Variants in RPL35A observed in about 807,000 individuals in gnomAD.
RPL35A encodes large ribosomal subunit protein eL33.
RPL35A carries 1 observed loss-of-function variant against 16.7 expected under a neutral mutation model. The observed-to-expected ratio is 0.06, with a 90% CI of 0.02 to 0.28. RPL35A has a LOEUF of 0.28. Among genes scored for constraint, RPL35A ranks in the 10% least tolerant of loss-of-function variants. The probability of loss-of-function intolerance (pLI) is 1.00; values close to 1 mark genes in which losing one functional copy is unlikely to be tolerated. For missense variants in RPL35A, 91 were observed against 138.7 expected (o/e 0.66, Z 1.73); for synonymous variants, 58 against 47.0 (o/e 1.23, Z -0.96).
At chr3:197,954,337 T>G (rs1169286256) in intron 4 of RPL35A, 190 bp downstream of exon 4, 1 of 579,982 alleles carries the variant, frequency 1.7e-6, no homozygotes, top group East Asian at 3.2e-5. Context: ...TTGTTTTTTG[T>G]TTTTTTTTTG....
intron 3 of RPL35A, 117 bp from the exon 4 acceptor site, chr3:197,953,886 G>A: frequency 1.1e-6 from 1 of 940,770 alleles, no homozygotes; most frequent in South Asian, 1.4e-5. Flanking sequence ...GGCATTTAAA[G>A]TTTCTCAGGT....
At chr3:197,955,510 C>T (rs1221283420) in intron 4 of RPL35A, among the ~76,000 whole-genome samples, 1 of 152,114 alleles carries the variant, frequency 6.6e-6, no homozygotes, top group Non-Finnish European at 1.5e-5. Context: ...GATCTGCCCG[C>T]CTAGGCCTCC....
intron 4 of RPL35A, 73 bp from the exon 5 acceptor site, chr3:197,955,677 C>T (rs941272280): frequency 3.9e-5 from 50 of 1,269,862 alleles, no homozygotes; most frequent in Admixed American, 1.8e-4. Flanking sequence ...GAGATTTATC[C>T]GTATTACGGT....
chr3:197,955,913 CAG>C lies in RPL35A; in HGVS notation c.*146_*147del. 1.4e-6 allele frequency: 1 copy of C among 729,760 alleles called. No individual in the cohort carries two copies. Among genetic ancestry groups the C allele is most frequent in the South Asian group, 1.5e-5 (1 of 68,100 alleles). 45.2% of individuals were successfully genotyped at this position (729,760 alleles called of 1,614,324 possible). A position where few individuals can be genotyped will look rare whatever the true frequency, so the allele number is the denominator to read the frequency against. On this transcript the variant is annotated 3_prime_UTR_variant, in exon 5 of 5. Coordinates refer to ENST00000647248, the MANE Select transcript of RPL35A (RefSeq NM_000996.4). Reference sequence around the variant, plus strand: ...CAGCATTTTTGGAGTACAAGGGGGTCAGAGAGACATGTGATGAAAATTACAGG... The same window carrying C: ...CAGCATTTTTGGAGTACAAGGGGGTCAGAGACATGTGATGAAAATTACAGG...
chr3:197,954,606 T>G (rs1720386204), intron 4 of RPL35A, among the ~76,000 whole-genome samples: 2 of 152,132 alleles, frequency 1.3e-5, no homozygotes, highest in African/African-American at 4.8e-5. Flanking sequence ...GCCTCCAAAG[T>G]TCATGTGATT....
At chr3:197,953,936 AGG>A in intron 3 of RPL35A, 65 bp from the exon 4 acceptor site, 6 of 1,555,340 alleles carry the variant, frequency 3.9e-6, no homozygotes, top group Non-Finnish European at 5.3e-6. Flanking sequence ...ACTCGTGTAG[AGG>A]TCACCTTGAA....
At chr3:197,953,020 C>T (rs1331909010) in intron 3 of RPL35A, among the ~76,000 whole-genome samples, 2 of 151,096 alleles carry the variant, frequency 1.3e-5, no homozygotes, top group Non-Finnish European at 3.0e-5. Context: ...AGGCTGGTCT[C>T]GAACTCCTGA....
chr3:197,951,409 A>T, intron 3 of RPL35A, 98 bp downstream of exon 3: 2 of 1,336,404 alleles, frequency 1.5e-6, no homozygotes, highest in Non-Finnish European at 2.1e-6. Flanking sequence ...GCTGGAATGC[A>T]GTGACTTGGT....
intron 4 of RPL35A, among the ~76,000 whole-genome samples, chr3:197,955,043 C>T (rs116853251): frequency 3.3e-5 from 5 of 152,212 alleles, no homozygotes; most frequent in East Asian, 1.9e-4. Context: ...TCTCAATTTT[C>T]TCCTGTAATT....
chr3:197,951,038 C>T (rs1292654197), intron 2 of RPL35A, 60 bp downstream of exon 2: 2 of 1,602,948 alleles, frequency 1.2e-6, no homozygotes, highest in African/African-American at 2.7e-5. Flanking sequence ...TAAATGCGAG[C>T]TTAAAATTGG....
intron 3 of RPL35A, 156 bp downstream of exon 3, chr3:197,951,467 C>T: frequency 1.3e-6 from 1 of 769,076 alleles, no homozygotes; most frequent in Non-Finnish European, 2.2e-6. Context: ...AGTGTCCTGT[C>T]TCAGCCTCCC....
chr3:197,952,836 C>CA (rs1720224526), intron 3 of RPL35A, among the ~76,000 whole-genome samples: 1 of 144,226 alleles, frequency 6.9e-6, no homozygotes, highest in Non-Finnish European at 1.5e-5. Context: ...ATGCTGTAGA[C>CA]TTTTTTTTTT....
intron 3 of RPL35A, 172 bp downstream of exon 3, chr3:197,951,483 G>A: frequency 1.4e-6 from 1 of 691,570 alleles, no homozygotes; most frequent in Non-Finnish European, 2.5e-6. Context: ...CTCCCGAGTA[G>A]CTGGGATTAC....
intron 4 of RPL35A, among the ~76,000 whole-genome samples, chr3:197,954,731 C>T (rs1159525845): frequency 5.3e-5 from 8 of 152,146 alleles, no homozygotes; most frequent in Non-Finnish European, 1.2e-4. Flanking sequence ...TGGTCTTGAA[C>T]TCCTGAGCCC....
chr3:197,953,278 A>G (rs1368095351), intron 3 of RPL35A, among the ~76,000 whole-genome samples: 1 of 152,182 alleles, frequency 6.6e-6, no homozygotes, highest in African/African-American at 2.4e-5. Flanking sequence ...TGAGAGCCCT[A>G]GGTGGGAGGA....
At chr3:197,953,541 C>T (rs986102686) in intron 3 of RPL35A, 9 of 457,178 alleles carry the variant, frequency 2.0e-5, no homozygotes, top group African/African-American at 1.4e-4. Flanking sequence ...GACACACACT[C>T]CTTGGCCCCA....
At chr3:197,955,400 C>T (rs1581109049) in intron 4 of RPL35A, among the ~76,000 whole-genome samples, 2 of 151,910 alleles carry the variant, frequency 1.3e-5, no homozygotes, top group African/African-American at 4.8e-5. Context: ...GTAGCTGGGA[C>T]TATAGGCACG....
chr3:197,951,289 G>A lies in RPL35A; in HGVS notation c.142G>A (p.Ala48Thr). The change falls in exon 3 of 5, where the codon GCT becomes ACT. Residue 48 changes from alanine to threonine, a missense_variant. By Grantham distance (58) the Ala-to-Thr change is moderately conservative. Transcript: ENST00000647248. ...ETEFYLGKRCAYVYKAKNNTV... is the reference protein window; with the variant it reads ...ETEFYLGKRCTYVYKAKNNTV... ...AGAATTCTATTTGGGCAAGAGATGC[G>A]CTTATGTATATAAAGCAAAGAAGTA... 6.2e-7 allele frequency: 1 copy of A among 1,614,060 alleles called. No individual in the cohort carries two copies. Among genetic ancestry groups the A allele is most frequent in the African/African-American group, 1.3e-5 (1 of 75,030 alleles).
At chr3:197,954,806 C>A (rs1411682927) in intron 4 of RPL35A, among the ~76,000 whole-genome samples, 1 of 152,104 alleles carries the variant, frequency 6.6e-6, no homozygotes, top group Admixed American at 6.6e-5. Context: ...CCACAGCCAG[C>A]CTTGAATAAA....
Sources: gnomAD v4.1 joint callset for allele counts (sites outside exome capture counted in the v4.1 genomes callset) on GRCh38, gnomAD v4.1.1 for gene constraint, MANE v1.5 for transcripts, NCBI Gene and HGNC (gene_info 2026-07-23, HGNC 2026-07-21) for gene names.